Variants in AUTS2 observed in about 807,000 individuals in gnomAD.
The protein encoded by AUTS2 is autism susceptibility gene 2 protein.
In AUTS2, 17 loss-of-function variants were observed where a neutral mutation model predicts 112.4. The ratio of observed to expected loss-of-function variants is 0.15; its 90% confidence interval spans 0.10 to 0.23. The LOEUF is 0.23. Among genes scored for constraint, AUTS2 ranks in the 10% least tolerant of loss-of-function variants. The pLI is 1.00. For synonymous variants in AUTS2, 751 were observed against 702.7 expected, an observed-to-expected ratio of 1.07 and a Z score of -1.09; for missense variants, 1,510 against 1,701.6, an observed-to-expected ratio of 0.89 and a Z score of 1.98.
intron 1 of AUTS2, among the ~76,000 whole-genome samples, chr7:69,677,870 T>C (rs770572950): frequency 2.6e-5 from 4 of 152,134 alleles, no homozygotes; most frequent in Non-Finnish European, 5.9e-5. Context: ...TGAGCCTAAA[T>C]GGTGGTTTTT....
chr7:69,912,770 C>G (rs990152805), intron 2 of AUTS2, among the ~76,000 whole-genome samples: 4 of 152,112 alleles, frequency 2.6e-5, no homozygotes, highest in Non-Finnish European at 5.9e-5. Flanking sequence ...GCTTCTTGAC[C>G]CAGCCAGGAT....
At chr7:70,471,689 G>A (rs943268198) in intron 5 of AUTS2, among the ~76,000 whole-genome samples, 1 of 152,092 alleles carries the variant, frequency 6.6e-6, no homozygotes, top group Admixed American at 6.6e-5. Context: ...GAGATGATGT[G>A]CTATAGAGAG....
At chr7:69,898,719 A>G (rs990612998) in intron 1 of AUTS2, among the ~76,000 whole-genome samples, 5 of 152,224 alleles carry the variant, frequency 3.3e-5, no homozygotes, top group African/African-American at 1.2e-4. Flanking sequence ...TTGTTGTTAC[A>G]TTTTGCAAAG....
At chr7:70,155,919 G>A (rs1348403132) in intron 4 of AUTS2, among the ~76,000 whole-genome samples, 1 of 152,178 alleles carries the variant, frequency 6.6e-6, no homozygotes, top group Admixed American at 6.5e-5. Flanking sequence ...CTGGCAGGCA[G>A]GAAGTGATAC....
chr7:70,068,481 G>C (rs1802604284), intron 2 of AUTS2, among the ~76,000 whole-genome samples: 1 of 151,988 alleles, frequency 6.6e-6, no homozygotes, highest in Non-Finnish European at 1.5e-5. Flanking sequence ...ACTGTGCCCG[G>C]CCATAAGTAG....
Position 70,774,117 on chromosome 7 carries a change from C to T in AUTS2, c.1902+18C>T. ...ACCCGAGGGTACGTGCAAAGTCAGG[C>T]TTGGTCTCAGGTAACACCAGGGTGT... On this transcript the variant is annotated intron_variant, in intron 12 of 18. Coordinates refer to ENST00000342771, the MANE Select transcript of AUTS2 (RefSeq NM_015570.4). The T allele has an allele frequency of 6.2e-7, 1 of 1,613,630 alleles. No individual in the cohort carries two copies. The highest frequency in any genetic ancestry group is 8.5e-7 in the Non-Finnish European group (1 of 1,179,528).
At chr7:69,685,994 G>T (rs1797049489) in intron 1 of AUTS2, among the ~76,000 whole-genome samples, 1 of 152,178 alleles carries the variant, frequency 6.6e-6, no homozygotes, top group African/African-American at 2.4e-5. Context: ...GAACAAGGGA[G>T]TCCATGCCTT....
At chr7:70,772,482 A>T (rs994759527) in intron 11 of AUTS2, among the ~76,000 whole-genome samples, 1 of 152,224 alleles carries the variant, frequency 6.6e-6, no homozygotes, top group Admixed American at 6.5e-5. Flanking sequence ...GTGGGTAACC[A>T]TTCTCAGACT....
At chr7:70,576,581 C>T (rs1324321734) in intron 5 of AUTS2, among the ~76,000 whole-genome samples, 1 of 152,144 alleles carries the variant, frequency 6.6e-6, no homozygotes, top group Admixed American at 6.5e-5. Context: ...AACCAGCAAC[C>T]GAGAATCAAC....
intron 2 of AUTS2, among the ~76,000 whole-genome samples, chr7:69,939,825 A>G (rs2129544846): frequency 6.6e-6 from 1 of 152,314 alleles, no homozygotes; most frequent in African/African-American, 2.4e-5. Flanking sequence ...CTTCATAGAG[A>G]GAAATATCTC....
chr7:70,385,635 C>G (rs970610865), intron 4 of AUTS2, among the ~76,000 whole-genome samples: 3 of 152,120 alleles, frequency 2.0e-5, no homozygotes, highest in African/African-American at 7.2e-5. Context: ...ACTTTGGGGG[C>G]TAAGGTGGGA....
chr7:69,641,762 T>C (rs1195813701), intron 1 of AUTS2, among the ~76,000 whole-genome samples: 1 of 152,236 alleles, frequency 6.6e-6, no homozygotes, highest in African/African-American at 2.4e-5. Flanking sequence ...AAATGTTCCA[T>C]AGTCATTAGT....
intron 4 of AUTS2, among the ~76,000 whole-genome samples, chr7:70,194,401 C>G (rs990102028): frequency 6.6e-6 from 1 of 152,102 alleles, no homozygotes; most frequent in African/African-American, 2.4e-5. Flanking sequence ...GAGCGAGACC[C>G]TGTCTCAAAA....
chr7:70,214,371 T>C (rs1294873403), intron 4 of AUTS2, among the ~76,000 whole-genome samples: 1 of 152,238 alleles, frequency 6.6e-6, no homozygotes, highest in Non-Finnish European at 1.5e-5. Context: ...TTATAATCTG[T>C]TAATTAAATC....
At chr7:69,639,053 C>A (rs1794682963) in intron 1 of AUTS2, among the ~76,000 whole-genome samples, 1 of 152,178 alleles carries the variant, frequency 6.6e-6, no homozygotes, top group Non-Finnish European at 1.5e-5. Context: ...TGTTTTTCTT[C>A]TGTGACTTTA....
chr7:70,379,393 T>A (rs1793264716), intron 4 of AUTS2, among the ~76,000 whole-genome samples: 1 of 151,558 alleles, frequency 6.6e-6, no homozygotes, highest in Non-Finnish European at 1.5e-5. Context: ...TCCCAGTGAC[T>A]CAGAAGGCTG....
At chr7:70,353,010 A>G (rs1483390718) in intron 4 of AUTS2, among the ~76,000 whole-genome samples, 1 of 152,192 alleles carries the variant, frequency 6.6e-6, no homozygotes, top group Non-Finnish European at 1.5e-5. Flanking sequence ...AGTGGAATTC[A>G]GTGACACTCA....
intron 1 of AUTS2, among the ~76,000 whole-genome samples, chr7:69,656,083 T>C (rs1795519551): frequency 6.6e-6 from 1 of 152,228 alleles, no homozygotes; most frequent in African/African-American, 2.4e-5. Context: ...ATGTCCCCTT[T>C]CTCTTCTGGA....
chr7:70,705,834 C>T (rs2129548310), intron 6 of AUTS2, among the ~76,000 whole-genome samples: 1 of 152,300 alleles, frequency 6.6e-6, no homozygotes, highest in Admixed American at 6.5e-5. Flanking sequence ...CCTTAAAGCC[C>T]TTGGATAGGA....
Sources: gnomAD v4.1 joint callset for allele counts (sites outside exome capture counted in the v4.1 genomes callset) on GRCh38, gnomAD v4.1.1 for gene constraint, MANE v1.5 for transcripts, NCBI Gene and HGNC (gene_info 2026-07-23, HGNC 2026-07-21) for gene names.